SBNO1: variants seen among roughly 807,000 people sequenced by gnomAD.
The protein encoded by SBNO1 is strawberry notch homolog 1, also known as protein strawberry notch homolog 1.
Under a neutral mutation model 173.6 loss-of-function variants are expected in SBNO1, and 23 were observed. That is an observed-to-expected ratio of 0.13 (90% CI 0.10 to 0.19). The LOEUF is 0.19. Ranked by LOEUF, SBNO1 falls within the 10% of genes least tolerant of loss-of-function variation. The pLI, the probability that SBNO1 is intolerant of heterozygous loss-of-function variation, is 1.00. For synonymous variants in SBNO1, 632 were observed against 571.5 expected, an observed-to-expected ratio of 1.11 and a Z score of -1.51; for missense variants, 1,238 against 1,671.2, an observed-to-expected ratio of 0.74 and a Z score of 4.52.
At chr12:123,301,036 G>A (rs1483153590) in intron 30 of SBNO1, among the ~76,000 whole-genome samples, 3 of 149,368 alleles carry the variant, frequency 2.0e-5, no homozygotes, top group Admixed American at 6.7e-5. Context: ...TTTAGACCAC[G>A]TCTTGCTGTC....
chr12:123,292,518 T>C lies in SBNO1; in HGVS notation c.*3390A>G, dbSNP rs577061457. The C allele has an allele frequency of 4.6e-5, 7 of 152,288 alleles. No homozygotes were observed. The highest frequency in any genetic ancestry group is 1.0e-4 in the Non-Finnish European group (7 of 68,020). The allele number at this position is 152,288 out of a possible 1,614,324, so 9.4% of individuals were successfully genotyped here. A position where few individuals can be genotyped will look rare whatever the true frequency, so the allele number is the denominator to read the frequency against. On this transcript the variant is annotated 3_prime_UTR_variant, in exon 32 of 32. Coordinates refer to ENST00000602398, the MANE Select transcript of SBNO1 (RefSeq NM_001167856.3). The stretch of plus-strand genomic sequence containing the variant: ...CCTTTCTTCTCTTGCCGGCTAACAA[T>C]TGTTCTAACAGCATCCCATGGAGGC...
At chr12:123,331,064 G>A (rs908137135) in intron 8 of SBNO1, among the ~76,000 whole-genome samples, 178 bp downstream of exon 8, 9 of 151,678 alleles carry the variant, frequency 5.9e-5, no homozygotes, top group South Asian at 2.1e-4. Context: ...CAGGGTTCAC[G>A]CCATTCTCCT....
intron 2 of SBNO1, chr12:123,349,021 G>A (rs1179391973): frequency 2.7e-5 from 4 of 147,814 alleles, no homozygotes; most frequent in Non-Finnish European, 5.9e-5. Flanking sequence ...AGGTGAAGCA[G>A]TCGGAGTAGA....
At chr12:123,316,105 T>A (rs963689454) in intron 21 of SBNO1, among the ~76,000 whole-genome samples, 1 of 152,072 alleles carries the variant, frequency 6.6e-6, no homozygotes, top group African/African-American at 2.4e-5. Flanking sequence ...ACATATATAT[T>A]TTTTACAACT....
At chr12:123,330,568 A>G in intron 8 of SBNO1, 59 bp from the exon 9 acceptor site, 1 of 934,032 alleles carries the variant, frequency 1.1e-6, no homozygotes, top group East Asian at 2.5e-5. Flanking sequence ...AGAATTCAGG[A>G]ATAAAATTAA....
chr12:123,304,460 T>C (rs2048867430), intron 29 of SBNO1, 122 bp downstream of exon 29: 1 of 704,318 alleles, frequency 1.4e-6, no homozygotes, highest in Non-Finnish European at 2.4e-6. Flanking sequence ...GGTCTCGAAC[T>C]CCTGACCTCA....
At chr12:123,308,240 C>G (rs1188833794) in intron 28 of SBNO1, among the ~76,000 whole-genome samples, 1 of 152,128 alleles carries the variant, frequency 6.6e-6, no homozygotes, top group Non-Finnish European at 1.5e-5. Flanking sequence ...TGCGCACACA[C>G]ACCCCTTAGT....
chr12:123,309,267 A>T (rs2048997412), intron 28 of SBNO1, 43 bp downstream of exon 28: 1 of 1,412,692 alleles, frequency 7.1e-7, no homozygotes, highest in African/African-American at 1.4e-5. Flanking sequence ...TGGCCATTAA[A>T]AAGTATTATA....
At chr12:123,311,691 CCTATCTATCTATCTAT>C (rs1313680603) in intron 24 of SBNO1, among the ~76,000 whole-genome samples, 3 of 121,766 alleles carry the variant, frequency 2.5e-5, no homozygotes, top group African/African-American at 6.6e-5. Context: ...AAACAAGTAA[CCTATCTATCTATCTAT>C]CTATCTATCT....
chr12:123,322,896 A>T (rs2138974129), intron 16 of SBNO1, among the ~76,000 whole-genome samples: 1 of 152,068 alleles, frequency 6.6e-6, no homozygotes, highest in East Asian at 1.9e-4. Flanking sequence ...AAAAAAAAGA[A>T]AAAAAAAGAA....
In SBNO1 at chr12:123,290,244, C is replaced by G. The variant is rs1269785836; in HGVS notation, c.*5664G>C. 1.3e-5 allele frequency: 2 copies of G among 152,266 alleles called. No individual in the cohort carries two copies. Among genetic ancestry groups the G allele is most frequent in the East Asian group, 3.8e-4 (2 of 5,200 alleles). The allele number at this position is 152,266 out of a possible 1,614,324, so 9.4% of individuals were successfully genotyped here. A position where few individuals can be genotyped will look rare whatever the true frequency, so the allele number is the denominator to read the frequency against. On this transcript the variant is annotated 3_prime_UTR_variant, in exon 32 of 32. Transcript: ENST00000602398. Reference sequence around the variant, plus strand: ...GATGCACACTGGAGGCAATCTGTGACAGGCCCCAATTCACGACAAATTTAG... The same window carrying G: ...GATGCACACTGGAGGCAATCTGTGAGAGGCCCCAATTCACGACAAATTTAG...
At chr12:123,298,246 G>A (rs2048669508) in intron 30 of SBNO1, 75 bp from the exon 31 acceptor site, 4 of 1,388,776 alleles carry the variant, frequency 2.9e-6, no homozygotes, top group East Asian at 2.5e-5. Context: ...GATTTACAAG[G>A]TCAACTCAAA....
rs1231816906 is a variant in SBNO1, at chr12:123,327,951, G to A, written c.1373C>T (p.Ala458Val). The A allele has an allele frequency of 6.2e-7, 1 of 1,613,246 alleles. No homozygotes were observed. The highest frequency in any genetic ancestry group is 8.5e-7 in the Non-Finnish European group (1 of 1,179,524). ...GSSKPTKTGL[A>V]VLELQNKLPK... Reference sequence around the variant, plus strand: ...CAATTTGTTCTGAAGCTCTAAAACTGCTAAGCCTGTCTTGGTTGGCTTTGA... The same window carrying A: ...CAATTTGTTCTGAAGCTCTAAAACTACTAAGCCTGTCTTGGTTGGCTTTGA... Residue 458 changes from alanine (A) to valine (V), a missense_variant, in exon 11 of 32, where the codon GCA becomes GTA. Ala to Val is a moderately conservative substitution (Grantham distance 64). Around this residue, in one of 14 missense-constraint regions of SBNO1, gnomAD observed 182 missense variants for 339.9 expected, o/e 0.54. Transcript: ENST00000602398.
At chr12:123,301,454 C>T (rs2048787875) in intron 30 of SBNO1, among the ~76,000 whole-genome samples, 2 of 152,286 alleles carry the variant, frequency 1.3e-5, no homozygotes, top group African/African-American at 4.8e-5. Flanking sequence ...AAACAAAAAG[C>T]CCCTCAAGCT....
chr12:123,341,037 G>C lies in SBNO1; in HGVS notation c.602C>G (p.Ala201Gly), dbSNP rs1245485501. 2 of 1,604,314 alleles carry C rather than the reference G, an allele frequency of 1.2e-6. No homozygotes were observed. Among genetic ancestry groups the C allele is most frequent in the Non-Finnish European group, 8.5e-7 (1 of 1,175,626 alleles). The change falls in exon 5 of 32, where the codon GCT (alanine) becomes GGT (glycine). Residue 201 changes from alanine (A) to glycine (G), a missense_variant. By Grantham distance (60) the Ala-to-Gly change is moderately conservative. This residue lies in a region of SBNO1 where 287 missense variants were observed against 274.1 expected (regional missense o/e 1.05). Coordinates refer to ENST00000602398, the MANE Select transcript of SBNO1 (RefSeq NM_001167856.3). Reference protein sequence around the residue: ...VKKESSNKEGARMWINDMKMR... With the variant: ...VKKESSNKEGGRMWINDMKMR... ...CTTCATGTCGTTTATCCACATTCTAGCTCCTTCTTTATTAGAAGACTCTTT... is the reference window on the plus strand; with the variant it reads ...CTTCATGTCGTTTATCCACATTCTACCTCCTTCTTTATTAGAAGACTCTTT...
intron 20 of SBNO1, 72 bp downstream of exon 20, chr12:123,319,828 G>A (rs1869746994): frequency 1.5e-6 from 2 of 1,358,102 alleles, no homozygotes; most frequent in Non-Finnish European, 2.1e-6. Context: ...AAAGGAAAAA[G>A]ACTCTTCTAA....
chr12:123,315,808 C>T, intron 21 of SBNO1, 148 bp from the exon 22 acceptor site: 1 of 587,214 alleles, frequency 1.7e-6, no homozygotes, highest in Non-Finnish European at 3.0e-6. Context: ...TACCATAACA[C>T]ACATAAAACT....
intron 1 of SBNO1, among the ~76,000 whole-genome samples, chr12:123,358,842 C>CT (rs1244778845): frequency 1.3e-5 from 2 of 151,754 alleles, no homozygotes; most frequent in South Asian, 2.1e-4. Flanking sequence ...CACCACATCA[C>CT]TCCAAGATCC....
chr12:123,343,768 C>T (rs934931933), intron 4 of SBNO1, among the ~76,000 whole-genome samples: 1 of 152,046 alleles, frequency 6.6e-6, no homozygotes, highest in African/African-American at 2.4e-5. Context: ...GAACTCCTGA[C>T]CTCGTGATCC....
Sources: allele counts gnomAD v4.1 joint callset (sites outside exome capture counted in the v4.1 genomes callset), GRCh38; gene constraint gnomAD v4.1.1; regional missense constraint gnomAD v4.1.1; transcripts MANE v1.5; gene names NCBI Gene and HGNC (gene_info 2026-07-23, HGNC 2026-07-21).